Variants in PDE8B observed in about 807,000 individuals in gnomAD.
PDE8B encodes the protein phosphodiesterase 8B, also known as high affinity cAMP-specific and IBMX-insensitive 3',5'-cyclic phosphodiesterase 8B.
PDE8B carries 26 observed loss-of-function variants against 101.3 expected under a neutral mutation model. That is an observed-to-expected ratio of 0.26 (90% confidence interval 0.19 to 0.36). PDE8B has a LOEUF of 0.36. Ranked by LOEUF, PDE8B falls within the 10% of genes least tolerant of loss-of-function variation. The probability of loss-of-function intolerance (pLI) is 1.00; values close to 1 mark genes in which losing one functional copy is unlikely to be tolerated. For missense variants in PDE8B, 810 were observed against 1,163.1 expected, an observed-to-expected ratio of 0.70 and a Z score of 4.42; for synonymous variants, 424 against 429.3, an observed-to-expected ratio of 0.99 and a Z score of 0.15.
intron 10 of PDE8B, among the ~76,000 whole-genome samples, chr5:77,393,188 G>A (rs541532586): frequency 2.4e-3 from 362 of 152,326 alleles, no homozygotes; most frequent in Non-Finnish European, 4.1e-3. Flanking sequence ...CAGCTCAGGA[G>A]TTGGAGACTA....
At chr5:77,421,219 A>C (rs1330552270) in intron 19 of PDE8B, among the ~76,000 whole-genome samples, 1 of 152,126 alleles carries the variant, frequency 6.6e-6, no homozygotes, top group South Asian at 2.1e-4. Flanking sequence ...TGGCTCACTT[A>C]CCAGCCAGTC....
intron 13 of PDE8B, 31 bp from the exon 14 acceptor site, chr5:77,408,862 C>T (rs1428157267): frequency 1.3e-6 from 2 of 1,576,968 alleles, no homozygotes; most frequent in Admixed American, 1.7e-5. Flanking sequence ...ACCCTATTAT[C>T]CTCAGATGTA....
the PDE8B span, among the ~76,000 whole-genome samples, chr5:77,176,913 A>G: frequency 6.6e-6 from 1 of 152,088 alleles, no homozygotes; most frequent in Admixed American, 6.5e-5. Flanking sequence ...GCGATTTTAG[A>G]TACCCCAGCC....
chr5:77,313,183 T>C (rs1773064588), intron 2 of PDE8B, among the ~76,000 whole-genome samples: 1 of 151,366 alleles, frequency 6.6e-6, no homozygotes, highest in African/African-American at 2.4e-5. Flanking sequence ...AACCAACATA[T>C]AGATGAAAGT....
rs1781507222 is a variant in PDE8B at position 77,353,408 on chromosome 5, T to C, written c.1167+2T>C. On this transcript the variant is annotated splice_donor_variant, in intron 10 of 21. Coordinates refer to ENST00000264917, the MANE Select transcript of PDE8B (RefSeq NM_003719.5). LOFTEE classifies it high-confidence loss of function. ...TGTACCACTGACAATAATAAGCAGG[T>C]ATGGTATTAGCTCACTTCGTTTGCT... The C allele has an allele frequency of 3.2e-6, 5 of 1,582,706 alleles. No homozygotes were observed. Among genetic ancestry groups the C allele is most frequent in the East Asian group, 2.2e-5 (1 of 44,674 alleles).
the PDE8B span, among the ~76,000 whole-genome samples, chr5:77,200,067 G>GAAATTTATATCATT: frequency 0.41 from 61,432 of 150,278 alleles, 13,282 homozygotes; most frequent in African/African-American, 0.53. Flanking sequence ...TACTGTACTG[G>GAAATTTATATCATT]AAATTTATAT....
At chr5:77,225,881 CCCCACGCACACAT>C (rs1752278013) in intron 1 of PDE8B, among the ~76,000 whole-genome samples, 1 of 102,284 alleles carries the variant, frequency 9.8e-6, no homozygotes, top group Non-Finnish European at 2.0e-5. Context: ...CACACACACA[CCCCACGCACACAT>C]CTCAGAATAC....
At chr5:77,356,832 C>A (rs1196402033) in intron 10 of PDE8B, among the ~76,000 whole-genome samples, 1 of 152,132 alleles carries the variant, frequency 6.6e-6, no homozygotes, top group African/African-American at 2.4e-5. Context: ...ATTGGACAGA[C>A]CTGGTCTGGA....
At chr5:77,374,499 T>C (rs915932281) in intron 10 of PDE8B, among the ~76,000 whole-genome samples, 1 of 152,138 alleles carries the variant, frequency 6.6e-6, no homozygotes, top group Non-Finnish European at 1.5e-5. Context: ...TATCCATTGG[T>C]TTTTTAGTTA....
intron 7 of PDE8B, among the ~76,000 whole-genome samples, chr5:77,346,578 G>A (rs1012328151): frequency 1.3e-5 from 2 of 152,192 alleles, no homozygotes; most frequent in Non-Finnish European, 2.9e-5. Context: ...TATTGTGATG[G>A]TGTCACATTA....
chr5:77,197,109 C>CTTTTTTTTTTT, the PDE8B span, among the ~76,000 whole-genome samples: 1 of 94,660 alleles, frequency 1.1e-5, no homozygotes, highest in Non-Finnish European at 2.1e-5. Flanking sequence ...TTAAAAAAAA[C>CTTTTTTTTTTT]TTTTTTTTTT....
At chr5:77,387,866 C>T (rs576573102) in intron 10 of PDE8B, among the ~76,000 whole-genome samples, 168 of 151,944 alleles carry the variant, frequency 1.1e-3, no homozygotes, top group Non-Finnish European at 1.4e-3. Context: ...TTGATCAATT[C>T]GGCTATTGAT....
At chr5:77,286,908 A>T (rs143645182) in intron 1 of PDE8B, among the ~76,000 whole-genome samples, 214 of 152,332 alleles carry the variant, frequency 1.4e-3, no homozygotes, top group Non-Finnish European at 2.5e-3. Flanking sequence ...CAATGTTAAT[A>T]TCTCTACCCT....
chr5:77,385,981 G>C (rs1018989742), intron 10 of PDE8B, among the ~76,000 whole-genome samples: 2 of 151,998 alleles, frequency 1.3e-5, no homozygotes, highest in Non-Finnish European at 2.9e-5. Flanking sequence ...TAGAGACGGG[G>C]TTTCACTATG....
At chr5:77,210,659 C>T (rs2149368672), upstream of PDE8B, 1 of 980,658 alleles carries the variant, frequency 1.0e-6, no homozygotes, top group East Asian at 1.2e-4. This position sits in a 1 kb window ranked among gnomAD's most constrained non-coding sequence, Gnocchi z 4.9. Context: ...GGGTGGCGGC[C>T]GCTGGTGCGC....
chr5:77,117,391 G>T, the PDE8B span, among the ~76,000 whole-genome samples: 9 of 152,146 alleles, frequency 5.9e-5, no homozygotes, highest in African/African-American at 1.7e-4. Context: ...GGGAACCTAG[G>T]TTTTATGTGA....
intron 19 of PDE8B, among the ~76,000 whole-genome samples, chr5:77,420,894 G>A (rs1311891366): frequency 1.3e-5 from 2 of 152,188 alleles, no homozygotes; most frequent in African/African-American, 4.8e-5. Context: ...AAAACCTCCA[G>A]AACATATTCT....
intron 1 of PDE8B, among the ~76,000 whole-genome samples, chr5:77,239,817 G>A (rs1193012040): frequency 6.6e-6 from 1 of 152,036 alleles, no homozygotes; most frequent in Admixed American, 6.6e-5. Flanking sequence ...AATAACCCAG[G>A]CTTGTCTCTC....
chr5:77,322,454 T>TCCTAGAAGG (rs1775273984), intron 2 of PDE8B, among the ~76,000 whole-genome samples: 3 of 152,176 alleles, frequency 2.0e-5, no homozygotes, highest in Admixed American at 6.5e-5. Flanking sequence ...CCTTCAAATG[T>TCCTAGAAGG]CCTAGAAGGC....
Sources: allele counts gnomAD v4.1 joint callset (sites outside exome capture counted in the v4.1 genomes callset), GRCh38; gene constraint gnomAD v4.1.1; non-coding constraint Gnocchi (gnomAD v3.1); transcripts MANE v1.5; gene names NCBI Gene and HGNC (gene_info 2026-07-23, HGNC 2026-07-21).